The following PIBF1 variants were observed in gnomAD, a reference collection of about 807,000 sequenced individuals.
PIBF1 encodes progesterone immunomodulatory binding factor 1.
PIBF1 carries 90 observed loss-of-function variants against 112.5 expected under a neutral mutation model. That is an observed-to-expected ratio of 0.80 (90% CI 0.67 to 0.95). The LOEUF (loss-of-function observed/expected upper bound fraction) is 0.95, where lower values mean the gene tolerates loss of function less well. Among genes scored for constraint, PIBF1 ranks in the 40% least tolerant of loss-of-function variants. The pLI, the probability that PIBF1 is intolerant of heterozygous loss-of-function variation, is 0.00. For missense variants in PIBF1, 915 were observed against 852.3 expected (o/e 1.07, Z -0.92); for synonymous variants, 301 against 288.6 (o/e 1.04, Z -0.44).
rs142861475 is a variant in PIBF1 at position 72,929,262 on chromosome 13, A to G, written c.1731-1903A>G. 9.3e-4 allele frequency among the ~76,000 whole-genome samples: 141 copies of G among 152,356 alleles called. 1 individual carries two copies. The East Asian group carries it at 0.024, about 25-fold the overall frequency. On this transcript the variant is annotated intron_variant, in intron 13 of 17. Transcript: ENST00000326291. ...ATAAACTGATGCTTGCAAACGTATA[A>G]TGGAATCAACGGATTTTAAATGCAA...
chr13:72,811,455 G>A lies in PIBF1; in HGVS notation c.673-10394G>A, dbSNP rs531185288. 2.0e-5 allele frequency among the ~76,000 whole-genome samples: 3 copies of A among 152,090 alleles called. No individual in the cohort carries two copies. In the East Asian group the frequency reaches 5.8e-4, roughly 29 times the overall value. On this transcript the variant is annotated intron_variant, in intron 5 of 17. Coordinates refer to ENST00000326291, the MANE Select transcript of PIBF1 (RefSeq NM_006346.4). ...TACTAAAAATACAAAAATCAGCTGG[G>A]TGTGGTGGTAGGCACCTGTAATCCC...
chr13:72,850,991 T>G (rs2038122119), intron 9 of PIBF1, among the ~76,000 whole-genome samples: 1 of 152,262 alleles, frequency 6.6e-6, no homozygotes, highest in South Asian at 2.1e-4. Flanking sequence ...ATTTCTGGCT[T>G]ATCAACTATT....
Position 72,832,071 on chromosome 13 carries a change from C to CTTTTTTTTTTTTTTTTTT in PIBF1, c.1098-3172_1098-3171insTTTTTTTTTTTTTTTTTT, listed in dbSNP as rs1491281184. On this transcript the variant is annotated intron_variant, in intron 8 of 17. Coordinates refer to ENST00000326291, the MANE Select transcript of PIBF1 (RefSeq NM_006346.4). ...TCAGAGATTAGAATTGCAATTCCGG[C>CTTTTTTTTTTTTTTTTTT]CTTTTTTTTTTTTTTTTTTTTTTTT... Among the ~76,000 whole-genome samples the CTTTTTTTTTTTTTTTTTT allele has an allele frequency of 3.7e-4, 22 of 59,490 alleles. 8 individuals carry two copies. Among genetic ancestry groups the CTTTTTTTTTTTTTTTTTT allele is most frequent in the African/African-American group, 8.4e-4 (15 of 17,818 alleles). The allele number at this position is 59,490 out of a possible 152,430, so 39.0% of individuals were successfully genotyped here. A position where few individuals can be genotyped will look rare whatever the true frequency, so the allele number is the denominator to read the frequency against.
chr13:72,860,314 T>C (rs1234746861), intron 10 of PIBF1, among the ~76,000 whole-genome samples: 1 of 26,746 alleles, frequency 3.7e-5, no homozygotes, highest in Non-Finnish European at 1.0e-4. Flanking sequence ...TAGGGGTGTG[T>C]GTGTGTGTGT....
chr13:72,814,288 T>A (rs756842371), intron 5 of PIBF1, among the ~76,000 whole-genome samples: 2 of 151,606 alleles, frequency 1.3e-5, no homozygotes, highest in African/African-American at 2.4e-5. Flanking sequence ...ATACAAAAAT[T>A]AGCCGGGCAT....
At chr13:72,926,921 C>A (rs1441302131) in intron 13 of PIBF1, among the ~76,000 whole-genome samples, 1 of 152,166 alleles carries the variant, frequency 6.6e-6, no homozygotes, top group Non-Finnish European at 1.5e-5. Context: ...AGTGCCTATG[C>A]AGATTATAGG....
intron 14 of PIBF1, among the ~76,000 whole-genome samples, chr13:72,951,966 C>T (rs1180928918): frequency 3.9e-5 from 6 of 152,008 alleles, no homozygotes; most frequent in African/African-American, 1.4e-4. Flanking sequence ...TTGCCTCGGC[C>T]TCCCCAGGTG....
intron 12 of PIBF1, among the ~76,000 whole-genome samples, chr13:72,910,173 A>T (rs773376363): frequency 6.6e-6 from 1 of 152,198 alleles, no homozygotes; most frequent in Non-Finnish European, 1.5e-5. Flanking sequence ...CCCATTTCCA[A>T]GGTCAATGTC....
chr13:72,799,146 C>A (rs566990933), intron 5 of PIBF1, among the ~76,000 whole-genome samples: 126 of 152,224 alleles, frequency 8.3e-4, no homozygotes, highest in African/African-American at 3.0e-3. Flanking sequence ...CCTGTTCTGT[C>A]AAATGGAGAA....
rs746918592 is a variant in PIBF1, at chr13:72,783,679, A to G, written c.210A>G (p.Lys70=). 1.2e-6 allele frequency: 2 copies of G among 1,613,926 alleles called. No individual in the cohort carries two copies. The highest frequency in any genetic ancestry group is 2.2e-5 in the East Asian group (1 of 44,856). The change falls in exon 2 of 18, where the codon AAA becomes AAG. Residue 70 remains lysine (K), a synonymous_variant. Transcript: ENST00000326291. ...IQLLKIELSQ[K]TMMIDNLKVD... ...TACTAAAAATTGAGCTATCCCAGAA[A>G]ACTATGATGATCGACAATTTGAAAG...
chr13:72,904,458 T>TTG (rs1555311079), intron 11 of PIBF1, among the ~76,000 whole-genome samples: 2 of 101,484 alleles, frequency 2.0e-5, no homozygotes, highest in Non-Finnish European at 4.4e-5. Context: ...TTTTTTTTTT[T>TTG]GAGGAGGAGT....
intron 14 of PIBF1, among the ~76,000 whole-genome samples, chr13:72,956,316 C>G (rs1272090414): frequency 6.6e-6 from 1 of 151,976 alleles, no homozygotes; most frequent in African/African-American, 2.4e-5. Context: ...TTTTTCTCCT[C>G]TTTAGTACCC....
At chr13:72,786,169 T>G (rs1184780825) in intron 2 of PIBF1, among the ~76,000 whole-genome samples, 1 of 152,206 alleles carries the variant, frequency 6.6e-6, no homozygotes, top group African/African-American at 2.4e-5. Flanking sequence ...TTATTTTATT[T>G]GTAGCTATAC....
rs373412662 is a variant in PIBF1, at chr13:72,903,159, A to G, written c.1489-5372A>G. Among the ~76,000 whole-genome samples, 265 of 152,216 alleles carry G rather than the reference A, an allele frequency of 1.7e-3. 7 individuals carry two copies. The South Asian group carries it at 0.052, about 30-fold the overall frequency. On this transcript the variant is annotated intron_variant, in intron 11 of 17. Transcript: ENST00000326291. Reference sequence around the variant, plus strand: ...GTGATTCCCCCTGCCTCAGCCTCCCAAAGTGCTAGGATTACAGGCGTGAGC... The same window carrying G: ...GTGATTCCCCCTGCCTCAGCCTCCCGAAGTGCTAGGATTACAGGCGTGAGC...
At position 73,011,446 on chromosome 13, in the gene PIBF1, A is replaced by C. The variant is rs144238742; in HGVS notation, c.2224-4423A>C. 4.1e-3 allele frequency among the ~76,000 whole-genome samples: 617 copies of C among 152,258 alleles called. 2 individuals carry two copies. The highest frequency in any genetic ancestry group is 0.021 in the Admixed American group (328 of 15,294). On this transcript the variant is annotated intron_variant, in intron 17 of 17. Transcript: ENST00000326291. The stretch of plus-strand genomic sequence containing the variant: ...CCAGCAGTGGGAGGGAAAAAAGAAC[A>C]TTTTGAAATATGTTAGAGAACTCAG...
intron 10 of PIBF1, among the ~76,000 whole-genome samples, chr13:72,872,115 C>T (rs559692002): frequency 6.6e-6 from 1 of 152,152 alleles, no homozygotes; most frequent in South Asian, 2.1e-4. Flanking sequence ...TCTCAGTTTC[C>T]TCATGTATAA....
chr13:72,858,298 C>T (rs9670743), intron 10 of PIBF1, among the ~76,000 whole-genome samples: 5 of 151,900 alleles, frequency 3.3e-5, no homozygotes, highest in Non-Finnish European at 5.9e-5. Context: ...GTAATCTGCC[C>T]GCCACAGCCT....
intron 11 of PIBF1, among the ~76,000 whole-genome samples, chr13:72,894,533 A>G (rs1341226138): frequency 6.6e-6 from 1 of 151,942 alleles, no homozygotes; most frequent in Non-Finnish European, 1.5e-5. Context: ...CAAATGGTAT[A>G]AAATGTAAAG....
chr13:72,870,223 T>C (rs1027878462), intron 10 of PIBF1, among the ~76,000 whole-genome samples: 2 of 152,252 alleles, frequency 1.3e-5, no homozygotes, highest in African/African-American at 4.8e-5. Flanking sequence ...GTTCTCTGCC[T>C]TCCTTAATTC....
Sources: gnomAD v4.1 joint callset for allele counts (sites outside exome capture counted in the v4.1 genomes callset) on GRCh38, gnomAD v4.1.1 for gene constraint, MANE v1.5 for transcripts, NCBI Gene and HGNC (gene_info 2026-07-23, HGNC 2026-07-21) for gene names.